DLG2: variants seen among roughly 807,000 people sequenced by gnomAD.
DLG2 encodes the protein disks large homolog 2.
Under a neutral mutation model 132.5 loss-of-function variants are expected in DLG2, and 45 were observed. That is an observed-to-expected ratio of 0.34 (90% confidence interval 0.27 to 0.44). DLG2 has a LOEUF of 0.44. Among genes scored for constraint, DLG2 ranks in the 20% least tolerant of loss-of-function variants. DLG2 has a pLI of 1.00. For synonymous variants in DLG2, 424 were observed against 419.6 expected, an observed-to-expected ratio of 1.01 and a Z score of -0.13; for missense variants, 1,045 against 1,196.9, an observed-to-expected ratio of 0.87 and a Z score of 1.87.
intron 3 of DLG2, among the ~76,000 whole-genome samples, chr11:85,324,348 A>C (rs191797239): frequency 1.6e-4 from 24 of 152,250 alleles, no homozygotes; most frequent in Admixed American, 5.9e-4. Context: ...AGTTTCATAG[A>C]GGTAGCCTTA....
chr11:85,041,259 T>C (rs554939236), intron 6 of DLG2, among the ~76,000 whole-genome samples: 5 of 152,008 alleles, frequency 3.3e-5, no homozygotes, highest in Admixed American at 2.6e-4. Flanking sequence ...ACAGACTCCT[T>C]TGGGATGTGG....
chr11:83,528,252 A>C (rs1804985736), intron 21 of DLG2, among the ~76,000 whole-genome samples: 2 of 152,228 alleles, frequency 1.3e-5, no homozygotes, highest in Admixed American at 1.3e-4. Context: ...TGGGTATTTC[A>C]TTTGTAGCAG....
Position 83,631,411 on chromosome 11 carries a change from T to C in DLG2, c.1940+1800A>G, listed in dbSNP as rs976795370. 10 of 152,058 alleles carry C rather than the reference T, an allele frequency of 6.6e-5. 1 individual carries two copies. The highest frequency in any genetic ancestry group is 6.6e-4 in the Admixed American group (10 of 15,244). 9.4% of individuals were successfully genotyped at this position (152,058 alleles called of 1,614,324 possible). A position where few individuals can be genotyped will look rare whatever the true frequency, so the allele number is the denominator to read the frequency against. On this transcript the variant is annotated intron_variant, in intron 19 of 27. Transcript: ENST00000376104. ...ATTTGTATATTACAGAGATTTCATT[T>C]GGGGACTTTCTTATGAAATGTCAAG... is the stretch of plus-strand genomic sequence containing the variant.
At chr11:83,934,219 C>T (rs1338981608) in intron 14 of DLG2, among the ~76,000 whole-genome samples, 1 of 152,146 alleles carries the variant, frequency 6.6e-6, no homozygotes, top group Non-Finnish European at 1.5e-5. Flanking sequence ...AAAACAGGCA[C>T]CTTGTTTATT....
chr11:84,321,910 A>T (rs1336811701), intron 7 of DLG2, among the ~76,000 whole-genome samples: 2 of 152,194 alleles, frequency 1.3e-5, no homozygotes, highest in Non-Finnish European at 2.9e-5. Context: ...AGCTCATGTC[A>T]TCTTTCCATT....
At chr11:85,071,495 A>G (rs628729) in intron 6 of DLG2, among the ~76,000 whole-genome samples, 16,441 of 151,924 alleles carry the variant, frequency 0.11, 1,019 homozygotes, top group South Asian at 0.25. Flanking sequence ...TTTGAAAGCG[A>G]CAATATGATA....
intron 7 of DLG2, among the ~76,000 whole-genome samples, chr11:84,436,296 T>G (rs781304722): frequency 4.6e-5 from 7 of 152,210 alleles, no homozygotes; most frequent in African/African-American, 1.7e-4. Flanking sequence ...TTTTCTCTTC[T>G]AAAGCTAAAA....
chr11:84,125,980 T>C (rs1311365182), intron 9 of DLG2, among the ~76,000 whole-genome samples: 1 of 152,178 alleles, frequency 6.6e-6, no homozygotes, highest in Non-Finnish European at 1.5e-5. Context: ...CCTCCCTTTC[T>C]TTTTTTAATA....
At chr11:83,507,620 TAAATA>T (rs1201477043) in intron 21 of DLG2, among the ~76,000 whole-genome samples, 1 of 145,888 alleles carries the variant, frequency 6.9e-6, no homozygotes, top group African/African-American at 2.5e-5. Flanking sequence ...TATATATAAA[TAAATA>T]AAAGAGTTAA....
At chr11:83,546,521 C>G (rs2096247782) in intron 19 of DLG2, among the ~76,000 whole-genome samples, 1 of 152,130 alleles carries the variant, frequency 6.6e-6, no homozygotes, top group Non-Finnish European at 1.5e-5. Flanking sequence ...GTACCCAACA[C>G]AGGTGAGTTC....
rs566564522 is a variant in DLG2 at position 85,473,065 on chromosome 11, T to C, written c.40+125592A>G. On this transcript the variant is annotated intron_variant, in intron 3 of 27. Transcript: ENST00000376104. ...TTCCCCTTGTCTAGACACGGGCGTC[T>C]AAGATGGAAGCCTCTTGCAGTACGT... Among the ~76,000 whole-genome samples, 6 of 152,318 alleles carry C rather than the reference T, an allele frequency of 3.9e-5. No individual in the cohort carries two copies. In the South Asian group the frequency reaches 1.0e-3, roughly 26 times the overall value.
intron 3 of DLG2, among the ~76,000 whole-genome samples, chr11:85,454,796 C>T (rs147929001): frequency 1.2e-3 from 176 of 152,142 alleles, no homozygotes; most frequent in African/African-American, 4.1e-3. Context: ...AAGTCCTTTC[C>T]CCATTGTTTG....
rs530766920 is a variant in DLG2 at position 85,422,723 on chromosome 11, T to G, written c.41-137358A>C. 4.0e-4 allele frequency among the ~76,000 whole-genome samples: 61 copies of G among 152,284 alleles called. 1 individual carries two copies. Among genetic ancestry groups the G allele is most frequent in the African/African-American group, 1.3e-3 (55 of 41,576 alleles). On this transcript the variant is annotated intron_variant, in intron 3 of 27. Transcript: ENST00000376104. The stretch of plus-strand genomic sequence containing the variant: ...TCAGGCTGGTCTCAAACCCCTGACC[T>G]CAAGTGATCTGCTCATCTCAGCCTC...
At chr11:83,467,820 C>CAT (rs1307864097) in intron 25 of DLG2, among the ~76,000 whole-genome samples, 1,535 of 110,770 alleles carry the variant, frequency 0.014, 47 homozygotes, top group African/African-American at 0.05. Flanking sequence ...TACACACACA[C>CAT]ATATAAAATA....
At chr11:83,778,283 T>G (rs1353724252) in intron 18 of DLG2, among the ~76,000 whole-genome samples, 1 of 152,156 alleles carries the variant, frequency 6.6e-6, no homozygotes, top group Non-Finnish European at 1.5e-5. Flanking sequence ...AAGAGTAGTA[T>G]TAGAACCCTT....
intron 18 of DLG2, chr11:83,651,649 A>T (rs2070498569): frequency 3.6e-6 from 1 of 276,598 alleles, no homozygotes; most frequent in African/African-American, 2.2e-5. Context: ...GAGTTGGAGG[A>T]GGAGGAAGAA....
chr11:83,826,784 G>C (rs975611931), intron 17 of DLG2, among the ~76,000 whole-genome samples: 16 of 152,176 alleles, frequency 1.1e-4, no homozygotes, highest in African/African-American at 3.9e-4. Flanking sequence ...CTGGAGTTTG[G>C]GTGACTCCAA....
At chr11:84,460,120 CTTT>C (rs972252076) in intron 7 of DLG2, among the ~76,000 whole-genome samples, 5 of 150,360 alleles carry the variant, frequency 3.3e-5, no homozygotes, top group Admixed American at 6.6e-5. Context: ...TAGAATGATA[CTTT>C]TTTATTTTTT....
At chr11:85,140,466 A>G (rs2152429329) in intron 5 of DLG2, among the ~76,000 whole-genome samples, 1 of 152,028 alleles carries the variant, frequency 6.6e-6, no homozygotes, top group African/African-American at 2.4e-5. Context: ...TGATAGTTAT[A>G]TATATTTATA....
Sources: allele counts gnomAD v4.1 joint callset (sites outside exome capture counted in the v4.1 genomes callset), GRCh38; gene constraint gnomAD v4.1.1; transcripts MANE v1.5; gene names NCBI Gene and HGNC (gene_info 2026-07-23, HGNC 2026-07-21).